Variants in FRMPD4 observed in about 807,000 individuals in gnomAD.
FRMPD4 encodes the protein FERM and PDZ domain-containing protein 4.
A neutral mutation model predicts 94.1 loss-of-function variants in FRMPD4; 22 were observed. That is an observed-to-expected ratio of 0.23 (90% CI 0.17 to 0.33). The LOEUF (loss-of-function observed/expected upper bound fraction) is 0.33, where lower values mean the gene tolerates loss of function less well. FRMPD4 is among the 10% of genes least tolerant of loss of function. The pLI, the probability that FRMPD4 is intolerant of heterozygous loss-of-function variation, is 1.00. For missense variants in FRMPD4, 1,111 were observed against 1,339.9 expected, an observed-to-expected ratio of 0.83 and a Z score of 2.67; for synonymous variants, 631 against 548.6, an observed-to-expected ratio of 1.15 and a Z score of -2.10.
chrX:12,676,596 T>G (rs1025170125), intron 5 of FRMPD4, among the ~76,000 whole-genome samples: 2 of 112,393 alleles, frequency 1.8e-5, no homozygotes, highest in African/African-American at 6.5e-5. Flanking sequence ...TGGGATACTG[T>G]TTTACCTCAT....
At chrX:12,023,359 G>C (rs2054642166) in intron 3 of FRMPD4, among the ~76,000 whole-genome samples, 2 of 111,483 alleles carry the variant, frequency 1.8e-5, no homozygotes, top group Admixed American at 9.5e-5. Context: ...AAGAAGTTCA[G>C]ACCCCTCAGT....
intron 3 of FRMPD4, among the ~76,000 whole-genome samples, chrX:11,882,277 A>T (rs1466664052): frequency 9.0e-6 from 1 of 110,754 alleles, no homozygotes; most frequent in Non-Finnish European, 1.9e-5. Flanking sequence ...AGGACATTTC[A>T]GCAAGTCATT....
intron 1 of FRMPD4, among the ~76,000 whole-genome samples, chrX:12,263,275 T>G (rs775325154): frequency 9.0e-6 from 1 of 111,551 alleles, no homozygotes; most frequent in African/African-American, 3.2e-5. Context: ...GGAAACTCCT[T>G]AGTCCCCCTG....
chrX:11,991,876 G>A (rs1030880740), intron 3 of FRMPD4, among the ~76,000 whole-genome samples: 1 of 111,987 alleles, frequency 8.9e-6, no homozygotes, highest in Non-Finnish European at 1.9e-5. Flanking sequence ...GATAAAGCAC[G>A]TATCTTAGTT....
At chrX:11,843,508 T>A (rs186502482) in intron 1 of FRMPD4, among the ~76,000 whole-genome samples, 3 of 111,780 alleles carry the variant, frequency 2.7e-5, no homozygotes, top group Non-Finnish European at 5.6e-5. Flanking sequence ...ATATTTATAG[T>A]CTTTGATGCT....
chrX:12,510,234 T>C (rs916620557), intron 2 of FRMPD4, among the ~76,000 whole-genome samples: 1 of 112,584 alleles, frequency 8.9e-6, no homozygotes, highest in East Asian at 2.8e-4. Flanking sequence ...CAATGTAATA[T>C]GCTATACTGG....
At chrX:11,934,534 C>G (rs1385947095) in intron 3 of FRMPD4, among the ~76,000 whole-genome samples, 1 of 111,814 alleles carries the variant, frequency 8.9e-6, no homozygotes, top group African/African-American at 3.2e-5. Flanking sequence ...GTAAAGAGAG[C>G]ATTTTGGGGA....
intron 2 of FRMPD4, among the ~76,000 whole-genome samples, chrX:12,560,994 C>T (rs2058653862): frequency 9.4e-6 from 1 of 106,860 alleles, no homozygotes; most frequent in African/African-American, 3.4e-5. Context: ...TGGTCTCGAT[C>T]TCCTGACCTC....
At chrX:12,019,268 A>G (rs1233785313) in intron 3 of FRMPD4, among the ~76,000 whole-genome samples, 3 of 109,452 alleles carry the variant, frequency 2.7e-5, no homozygotes, top group Non-Finnish European at 5.7e-5. Flanking sequence ...TTGTCTCATA[A>G]TATCTTTCTT....
At chrX:12,005,798 G>C (rs2054549625) in intron 3 of FRMPD4, among the ~76,000 whole-genome samples, 1 of 109,700 alleles carries the variant, frequency 9.1e-6, no homozygotes, top group East Asian at 2.9e-4. Flanking sequence ...TGCCAAGTGG[G>C]GAAGGGGTGG....
intron 3 of FRMPD4, among the ~76,000 whole-genome samples, chrX:12,049,974 TAA>T (rs747652010): frequency 7.1e-5 from 8 of 112,254 alleles, no homozygotes; most frequent in African/African-American, 1.9e-4. Flanking sequence ...GTTTCTGTGT[TAA>T]GTGTCAAAAA....
chrX:12,370,982 A>G (rs768065371), intron 1 of FRMPD4, among the ~76,000 whole-genome samples: 8 of 111,780 alleles, frequency 7.2e-5, no homozygotes, highest in African/African-American at 2.6e-4. Flanking sequence ...CCAAGGGGAA[A>G]TTTCTCTCTC....
intron 3 of FRMPD4, among the ~76,000 whole-genome samples, chrX:11,951,221 A>G (rs1326927673): frequency 9.0e-6 from 1 of 111,208 alleles, no homozygotes; most frequent in African/African-American, 3.3e-5. Flanking sequence ...ATACCATTCG[A>G]CCCAGCAATC....
intron 1 of FRMPD4, among the ~76,000 whole-genome samples, chrX:12,433,548 T>C (rs754494582): frequency 8.9e-6 from 1 of 112,153 alleles, no homozygotes; most frequent in East Asian, 2.8e-4. Context: ...CTGCTCAGAA[T>C]GCAGATGATT....
chrX:12,057,263 C>A (rs1449315753), intron 3 of FRMPD4, among the ~76,000 whole-genome samples: 2 of 111,397 alleles, frequency 1.8e-5, no homozygotes, highest in Non-Finnish European at 3.8e-5. Flanking sequence ...TTAGTTATTT[C>A]TCTTGTGTCA....
intron 3 of FRMPD4, among the ~76,000 whole-genome samples, chrX:12,043,619 G>A (rs2054769618): frequency 9.0e-6 from 1 of 111,160 alleles, no homozygotes; most frequent in Non-Finnish European, 1.9e-5. Flanking sequence ...CTGTGAAAAT[G>A]TTTTCTCTAA....
chrX:11,898,644 AT>A (rs781111547), intron 3 of FRMPD4, among the ~76,000 whole-genome samples: 1 of 112,402 alleles, frequency 8.9e-6, no homozygotes, highest in South Asian at 3.7e-4. Flanking sequence ...TACTCCATAA[AT>A]ATATACAATT....
At chrX:12,329,810 C>A in intron 1 of FRMPD4, among the ~76,000 whole-genome samples, 1 of 103,858 alleles carries the variant, frequency 9.6e-6, no homozygotes. Flanking sequence ...CAGTGCAAAC[C>A]TGCAGTAAAG....
intron 3 of FRMPD4, among the ~76,000 whole-genome samples, chrX:11,944,899 C>T (rs1187549014): frequency 8.9e-6 from 1 of 112,456 alleles, no homozygotes; most frequent in Non-Finnish European, 1.9e-5. Context: ...GGAAAGAGAA[C>T]TGGAAAATAA....
Sources: allele counts gnomAD v4.1 joint callset (sites outside exome capture counted in the v4.1 genomes callset), GRCh38; gene constraint gnomAD v4.1.1; transcripts MANE v1.5; gene names NCBI Gene and HGNC (gene_info 2026-07-23, HGNC 2026-07-21).